The following LOC128706666 variants were observed in gnomAD, a reference collection of about 807,000 sequenced individuals.
the LOC128706666 span, among the ~76,000 whole-genome samples, chr20:10,430,992 G>A: frequency 1.3e-5 from 2 of 152,096 alleles, no homozygotes; most frequent in Non-Finnish European, 2.9e-5. Flanking sequence ...TTATGGTCTT[G>A]GACAAATTAC....
the LOC128706666 span, among the ~76,000 whole-genome samples, chr20:10,419,951 A>G: frequency 1.3e-5 from 2 of 152,234 alleles, no homozygotes; most frequent in Admixed American, 1.3e-4. Context: ...ACTGCACTGC[A>G]AATTGCCTCA....
chr20:10,415,476 G>GCAAT, the LOC128706666 span, among the ~76,000 whole-genome samples: 1 of 152,160 alleles, frequency 6.6e-6, no homozygotes, highest in Non-Finnish European at 1.5e-5. Flanking sequence ...CAAATAAAGG[G>GCAAT]CAATGATGGT....
chr20:10,424,351 T>C, the LOC128706666 span, among the ~76,000 whole-genome samples: 4 of 152,024 alleles, frequency 2.6e-5, no homozygotes, highest in Admixed American at 6.5e-5. Context: ...AGCCCATGAG[T>C]TCGAGACTGC....
chr20:10,416,932 CT>C, the LOC128706666 span, among the ~76,000 whole-genome samples: 1 of 152,118 alleles, frequency 6.6e-6, no homozygotes, highest in Non-Finnish European at 1.5e-5. Flanking sequence ...GGTATAGACA[CT>C]ATATGATCTG....
At chr20:10,420,821 A>G in the LOC128706666 span, 1 of 152,214 alleles carries the variant, frequency 6.6e-6, no homozygotes, top group Non-Finnish European at 1.5e-5. Context: ...CTTTAATTAC[A>G]TTTCTAAATC....
chr20:10,429,613 A>G, the LOC128706666 span, among the ~76,000 whole-genome samples: 3 of 152,148 alleles, frequency 2.0e-5, no homozygotes, highest in Non-Finnish European at 2.9e-5. Flanking sequence ...ATCATCTACT[A>G]AGCCATTCAA....
the LOC128706666 span, among the ~76,000 whole-genome samples, chr20:10,430,170 C>T: frequency 2.8e-4 from 43 of 152,304 alleles, no homozygotes; most frequent in African/African-American, 9.4e-4. Context: ...GATCTAGATC[C>T]TGCCTACCAG....
At chr20:10,414,077 A>T in the LOC128706666 span, 1 of 369,326 alleles carries the variant, frequency 2.7e-6, no homozygotes. Context: ...TGAGAAAGGT[A>T]GACCAACTTT....
chr20:10,428,910 G>C, the LOC128706666 span, among the ~76,000 whole-genome samples: 2 of 152,128 alleles, frequency 1.3e-5, no homozygotes, highest in Non-Finnish European at 2.9e-5. Flanking sequence ...TATTACCTGT[G>C]TTCCAGTCCC....
chr20:10,427,064 AC>A, the LOC128706666 span, among the ~76,000 whole-genome samples: 1 of 146,132 alleles, frequency 6.8e-6, no homozygotes, highest in Non-Finnish European at 1.5e-5. Flanking sequence ...ACACACACAC[AC>A]ACACACACAC....
At chr20:10,422,528 C>CT in the LOC128706666 span, among the ~76,000 whole-genome samples, 9 of 152,034 alleles carry the variant, frequency 5.9e-5, no homozygotes, top group Non-Finnish European at 1.3e-4. Context: ...GGGCTACTTA[C>CT]TTATAGGAGG....
the LOC128706666 span, among the ~76,000 whole-genome samples, chr20:10,432,884 A>C: frequency 6.6e-6 from 1 of 151,906 alleles, no homozygotes; most frequent in Admixed American, 6.6e-5. Context: ...GCTACTTATA[A>C]TACCTAATAC....
At chr20:10,420,182 AAAG>A in the LOC128706666 span, among the ~76,000 whole-genome samples, 2 of 152,226 alleles carry the variant, frequency 1.3e-5, no homozygotes, top group Admixed American at 6.5e-5. Flanking sequence ...GTTAAAAAAA[AAAG>A]AACACTAATA....
chr20:10,418,167 G>T, the LOC128706666 span, among the ~76,000 whole-genome samples: 2 of 152,174 alleles, frequency 1.3e-5, no homozygotes, highest in Non-Finnish European at 2.9e-5. Context: ...ACATACAAAA[G>T]GACTACATAG....
At chr20:10,423,304 A>T in the LOC128706666 span, among the ~76,000 whole-genome samples, 1 of 152,112 alleles carries the variant, frequency 6.6e-6, no homozygotes, top group Non-Finnish European at 1.5e-5. Context: ...CTGTAGTTCT[A>T]GCTGCGTGGG....
chr20:10,414,879 A>G, the LOC128706666 span, among the ~76,000 whole-genome samples: 2 of 152,268 alleles, frequency 1.3e-5, no homozygotes, highest in Admixed American at 6.5e-5. Flanking sequence ...TTATCAATCA[A>G]TGATTTTCAG....
At chr20:10,423,285 G>T in the LOC128706666 span, among the ~76,000 whole-genome samples, 1 of 152,158 alleles carries the variant, frequency 6.6e-6, no homozygotes, top group Admixed American at 6.5e-5. Context: ...TGGGCATGGT[G>T]GCGCACGCCT....
the LOC128706666 span, among the ~76,000 whole-genome samples, chr20:10,433,211 G>A: frequency 1.6e-4 from 24 of 152,312 alleles, no homozygotes; most frequent in South Asian, 3.7e-3. Context: ...TCGCCACGTT[G>A]GCCTGGCTGG....
chr20:10,423,602 A>T, the LOC128706666 span, among the ~76,000 whole-genome samples: 1 of 152,210 alleles, frequency 6.6e-6, no homozygotes, highest in Non-Finnish European at 1.5e-5. Flanking sequence ...GTAATGACAT[A>T]GTATGAACCC....
Sources: allele counts gnomAD v4.1 joint callset (sites outside exome capture counted in the v4.1 genomes callset), GRCh38; gene constraint gnomAD v4.1.1; transcripts MANE v1.5.